ORC4: variants seen among roughly 807,000 people sequenced by gnomAD.
ORC4 encodes the protein origin recognition complex subunit 4, also known as origin recognition complex, subunit 4 homolog.
Under a neutral mutation model 63.9 loss-of-function variants are expected in ORC4, and 55 were observed. The ratio of observed to expected loss-of-function variants is 0.86; its 90% CI spans 0.69 to 1.08. ORC4 has a LOEUF of 1.08. Among genes scored for constraint, ORC4 ranks in the 50% least tolerant of loss-of-function variants. The pLI, the probability that ORC4 is intolerant of heterozygous loss-of-function variation, is 0.00. For synonymous variants in ORC4, 150 were observed against 168.5 expected (o/e 0.89, Z 0.85); for missense variants, 511 against 504.4 (o/e 1.01, Z -0.13).
At chr2:148,010,466 G>T (rs1342939296) in intron 1 of ORC4, among the ~76,000 whole-genome samples, 2 of 150,820 alleles carry the variant, frequency 1.3e-5, no homozygotes, top group Non-Finnish European at 3.0e-5. Flanking sequence ...ACTAAGAAAA[G>T]AAAAAAAAGA....
intron 9 of ORC4, among the ~76,000 whole-genome samples, chr2:147,943,967 T>A (rs1688514959): frequency 6.6e-6 from 1 of 152,006 alleles, no homozygotes; most frequent in Admixed American, 6.6e-5. Context: ...ACAGCATGAG[T>A]AGCAGGAAAA....
At chr2:147,967,314 G>T (rs1260438381) in intron 4 of ORC4, among the ~76,000 whole-genome samples, 1 of 151,902 alleles carries the variant, frequency 6.6e-6, no homozygotes, top group Non-Finnish European at 1.5e-5. Flanking sequence ...ATTCAATATA[G>T]TACTAGATGT....
intron 4 of ORC4, among the ~76,000 whole-genome samples, chr2:147,965,936 T>C (rs2105332948): frequency 6.6e-6 from 1 of 152,276 alleles, no homozygotes; most frequent in East Asian, 1.9e-4. Context: ...CTAGGTGTGG[T>C]AGCTCACACC....
chr2:147,990,600 T>C (rs1479617163), intron 1 of ORC4, among the ~76,000 whole-genome samples: 1 of 152,242 alleles, frequency 6.6e-6, no homozygotes, highest in African/African-American at 2.4e-5. Flanking sequence ...TTTCCTTGAG[T>C]TCTCCAGAGC....
Position 147,933,803 on chromosome 2 carries a change from T to C in ORC4, c.*1707A>G, listed in dbSNP as rs1338264038. ...ATTTTGGTGAAATATCCCCTAAAAATGTGTAGACTACGGCACAGATTGAGT... is the reference window on the plus strand; with the variant it reads ...ATTTTGGTGAAATATCCCCTAAAAACGTGTAGACTACGGCACAGATTGAGT... On this transcript the variant is annotated 3_prime_UTR_variant, in exon 14 of 14. Transcript: ENST00000392857. The C allele has an allele frequency of 6.6e-6, 1 of 152,090 alleles. No individual in the cohort carries two copies. The highest frequency in any genetic ancestry group is 1.9e-4 in the East Asian group (1 of 5,194). The allele number at this position is 152,090 out of a possible 1,614,324, so 9.4% of individuals were successfully genotyped here.
chr2:147,986,553 T>C (rs1181266225), intron 1 of ORC4, among the ~76,000 whole-genome samples: 1 of 152,144 alleles, frequency 6.6e-6, no homozygotes, highest in Non-Finnish European at 1.5e-5. Context: ...TATGGTGTCA[T>C]AATATCTACA....
rs1325856365 is a variant in ORC4, at chr2:147,931,345, G to GA, written c.*4164dup. The GA allele has an allele frequency of 6.6e-6, 1 of 151,964 alleles. No individual in the cohort carries two copies. The highest frequency in any genetic ancestry group is 1.5e-5 in the Non-Finnish European group (1 of 67,996). 9.4% of individuals were successfully genotyped at this position (151,964 alleles called of 1,614,324 possible). On this transcript the variant is annotated 3_prime_UTR_variant, in exon 14 of 14. Coordinates refer to ENST00000392857, the MANE Select transcript of ORC4 (RefSeq NM_181741.4). ...TGTGCATGTGTCTTTATAGCAGCAT[G>GA]ATTTATAGTCCTTTGGGTATATACC...
chr2:147,987,426 TTTAAA>T (rs1185015484), intron 1 of ORC4, among the ~76,000 whole-genome samples: 13 of 149,144 alleles, frequency 8.7e-5, no homozygotes, highest in South Asian at 2.1e-4. Flanking sequence ...AGTAACATAT[TTTAAA>T]TTATTTTTTC....
chr2:148,005,227 T>TA (rs1416320528), intron 1 of ORC4, among the ~76,000 whole-genome samples: 5 of 152,100 alleles, frequency 3.3e-5, no homozygotes, highest in Non-Finnish European at 7.4e-5. Flanking sequence ...TATGAAGCCA[T>TA]AAAAAAGGAT....
In ORC4 at chr2:147,999,635, T is replaced by C. The variant is rs145161103; in HGVS notation, c.-18+20998A>G. Among the ~76,000 whole-genome samples the C allele has an allele frequency of 3.1e-3, 471 of 152,234 alleles. 10 individuals carry two copies. The highest frequency in any genetic ancestry group is 5.3e-4 in the Non-Finnish European group (36 of 67,994). On this transcript the variant is annotated intron_variant, in intron 1 of 13. Coordinates refer to ENST00000392857, the MANE Select transcript of ORC4 (RefSeq NM_181741.4). The stretch of plus-strand genomic sequence containing the variant: ...GAATCACTGACCTAAAGGCAGAAGC[T>C]TGGAGAACTCTTCTTATTAGACTCT...
chr2:148,009,052 G>A (rs1692793253), intron 1 of ORC4, among the ~76,000 whole-genome samples: 1 of 152,020 alleles, frequency 6.6e-6, no homozygotes, highest in Admixed American at 6.6e-5. Flanking sequence ...TTTTTTCTGT[G>A]CGTGTATTTT....
At chr2:147,938,762 CTGG>C (rs1402499972) in intron 11 of ORC4, 1 of 325,546 alleles carries the variant, frequency 3.1e-6, no homozygotes, top group Non-Finnish European at 5.8e-6. Context: ...TCCTAAACTC[CTGG>C]AAATTATATC....
chr2:147,958,471 C>T (rs1689391361), intron 5 of ORC4, 88 bp from the exon 6 acceptor site: 1 of 917,436 alleles, frequency 1.1e-6, no homozygotes, highest in Non-Finnish European at 1.8e-6. Context: ...TAAATCTTCC[C>T]AGTCAAAGCC....
intron 1 of ORC4, among the ~76,000 whole-genome samples, chr2:147,979,085 C>T (rs546610737): frequency 2.2e-4 from 33 of 152,034 alleles, no homozygotes; most frequent in African/African-American, 8.0e-4. Flanking sequence ...CATTTATATT[C>T]AATATAGTAC....
At chr2:148,010,271 T>C (rs1282225149) in intron 1 of ORC4, among the ~76,000 whole-genome samples, 1 of 151,518 alleles carries the variant, frequency 6.6e-6, no homozygotes, top group Non-Finnish European at 1.5e-5. Context: ...AACCTAGTAA[T>C]GCATCTTAAA....
At chr2:147,953,389 A>G (rs1689069962) in intron 7 of ORC4, among the ~76,000 whole-genome samples, 1 of 152,160 alleles carries the variant, frequency 6.6e-6, no homozygotes, top group Non-Finnish European at 1.5e-5. Flanking sequence ...AAATGACTAA[A>G]GACTATTATT....
chr2:147,947,365 T>C (rs1452295310), intron 9 of ORC4, among the ~76,000 whole-genome samples: 2 of 152,052 alleles, frequency 1.3e-5, no homozygotes, highest in African/African-American at 4.8e-5. Flanking sequence ...CACACACATA[T>C]GCATACTTCC....
intron 4 of ORC4, among the ~76,000 whole-genome samples, chr2:147,963,077 CCAAACCTGACAAACAGCA>C (rs1486825295): frequency 1.3e-5 from 2 of 152,118 alleles, no homozygotes; most frequent in Admixed American, 1.3e-4. Context: ...TGCTCACCTC[CCAAACCTGACAAACAGCA>C]CAGCCTCCCT....
chr2:147,938,846 C>T (rs528173100), intron 11 of ORC4, among the ~76,000 whole-genome samples: 12 of 152,124 alleles, frequency 7.9e-5, no homozygotes, highest in Admixed American at 4.6e-4. Context: ...AATAACAAAC[C>T]CAAAATGACT....
Sources: allele counts gnomAD v4.1 joint callset (sites outside exome capture counted in the v4.1 genomes callset), GRCh38; gene constraint gnomAD v4.1.1; transcripts MANE v1.5; gene names NCBI Gene and HGNC (gene_info 2026-07-23, HGNC 2026-07-21).